The following MYOM1 variants were observed in gnomAD, a reference collection of about 807,000 sequenced individuals.
MYOM1 encodes myomesin 1, also known as myomesin-1.
In MYOM1, 164 loss-of-function variants were observed where a neutral mutation model predicts 205.3. That is an observed-to-expected ratio of 0.80 (90% CI 0.70 to 0.91). The LOEUF is 0.91. MYOM1 is among the 40% of genes least tolerant of loss of function. The pLI, the probability that MYOM1 is intolerant of heterozygous loss-of-function variation, is 0.00. For missense variants in MYOM1, 2,011 were observed against 2,127.3 expected (o/e 0.95, Z 1.08); for synonymous variants, 772 against 789.4 (o/e 0.98, Z 0.37).
chr18:3,133,304 A>G (rs7506674), intron 16 of MYOM1, among the ~76,000 whole-genome samples: 82,930 of 152,006 alleles, frequency 0.55, 23,215 homozygotes, highest in East Asian at 0.91. Context: ...CTGAGAAGTG[A>G]TCCAAGCCAG....
At chr18:3,123,032 G>A (rs1409552766) in intron 19 of MYOM1, among the ~76,000 whole-genome samples, 3 of 152,088 alleles carry the variant, frequency 2.0e-5, no homozygotes, top group Non-Finnish European at 2.9e-5. Flanking sequence ...GTGCTGTGTT[G>A]CCCAGGCTGG....
At chr18:3,071,094 G>T (rs1323142623) in intron 37 of MYOM1, among the ~76,000 whole-genome samples, 5 of 151,888 alleles carry the variant, frequency 3.3e-5, no homozygotes, top group East Asian at 3.9e-4. Context: ...CTGGAGTTCT[G>T]TCACAGGGGA....
the MYOM1 span, among the ~76,000 whole-genome samples, chr18:3,233,312 C>T: frequency 2.0e-5 from 3 of 152,198 alleles, no homozygotes; most frequent in African/African-American, 7.2e-5. Context: ...TTTTCTACTA[C>T]TTTTGTTCCA....
chr18:3,215,687 C>G (rs1315854632), intron 1 of MYOM1, among the ~76,000 whole-genome samples: 3 of 152,020 alleles, frequency 2.0e-5, no homozygotes, highest in Non-Finnish European at 4.4e-5. Context: ...ACTGGATATT[C>G]AAAAAACTCT....
At chr18:3,237,808 T>C in the MYOM1 span, among the ~76,000 whole-genome samples, 3 of 152,038 alleles carry the variant, frequency 2.0e-5, no homozygotes, top group Non-Finnish European at 2.9e-5. Context: ...AATGGGGAGT[T>C]ATTGTTTAAT....
intron 13 of MYOM1, among the ~76,000 whole-genome samples, chr18:3,148,796 A>T (rs753502825): frequency 1.2e-4 from 16 of 134,198 alleles, no homozygotes; most frequent in Non-Finnish European, 2.3e-4. Context: ...TAGTGAGCCG[A>T]GATCGCACCA....
intron 18 of MYOM1, 23 bp downstream of exon 18, chr18:3,129,209 A>G: frequency 6.2e-7 from 1 of 1,606,696 alleles, no homozygotes; most frequent in Non-Finnish European, 8.5e-7. Flanking sequence ...CGGATGGAAC[A>G]GCTTCCCTTT....
the MYOM1 span, chr18:3,246,160 C>A: frequency 6.6e-6 from 1 of 152,280 alleles, no homozygotes; most frequent in Non-Finnish European, 1.5e-5. Flanking sequence ...AAAGTGTCCT[C>A]TGGAGAGGAC....
At chr18:3,227,545 G>A in the MYOM1 span, among the ~76,000 whole-genome samples, 23 of 152,230 alleles carry the variant, frequency 1.5e-4, no homozygotes, top group African/African-American at 3.1e-4. Context: ...TGAGCCGGGC[G>A]CGGTGGCTCA....
At chr18:3,083,293 A>G (rs1329693389) in intron 33 of MYOM1, among the ~76,000 whole-genome samples, 2 of 152,174 alleles carry the variant, frequency 1.3e-5, no homozygotes, top group Non-Finnish European at 2.9e-5. Context: ...TCCTGGGCTC[A>G]CCAATGTCAG....
upstream of MYOM1, among the ~76,000 whole-genome samples, chr18:3,221,300 G>A (rs1255495386): frequency 2.6e-5 from 4 of 152,152 alleles, no homozygotes; most frequent in African/African-American, 7.2e-5. Context: ...AATTACAGGC[G>A]TGAGCCACTG....
Position 3,134,650 on chromosome 18 carries a change from C to A in MYOM1, c.2384G>T (p.Arg795Leu). 1 of 1,610,436 alleles carries A rather than the reference C, an allele frequency of 6.2e-7. No homozygotes were observed. Among genetic ancestry groups the A allele is most frequent in the South Asian group, 1.1e-5 (1 of 90,832 alleles). Residue 795 changes from arginine to leucine, a missense_variant and splice_region_variant, in exon 16 of 38, where the codon CGA becomes CTA. Coordinates refer to ENST00000356443, the MANE Select transcript of MYOM1 (RefSeq NM_003803.4). ...CGCCCTGCACACCCGACTGAGTTAC[C>A]GTGAGCCCTTCACGGGGTTGTTGTT... ...PCNNNPVKGS[R>L]FTCHGLVTGQ...
chr18:3,229,174 G>C, the MYOM1 span, among the ~76,000 whole-genome samples: 4 of 152,062 alleles, frequency 2.6e-5, no homozygotes, highest in Admixed American at 2.0e-4. Context: ...TTAGCCTCTC[G>C]GGCTCTTGTT....
the MYOM1 span, chr18:3,246,201 G>C: frequency 6.6e-6 from 1 of 152,214 alleles, no homozygotes; most frequent in Non-Finnish European, 1.5e-5. Flanking sequence ...CGTGGTGGCA[G>C]GCCACCACCC....
chr18:3,157,687 A>AATAATC (rs2080322167), intron 10 of MYOM1, among the ~76,000 whole-genome samples: 1 of 60,406 alleles, frequency 1.7e-5, no homozygotes, highest in Non-Finnish European at 4.1e-5. Flanking sequence ...CAAAAATAAT[A>AATAATC]ATAATAATAA....
At chr18:3,169,688 C>T (rs1179164392) in intron 8 of MYOM1, among the ~76,000 whole-genome samples, 1 of 152,132 alleles carries the variant, frequency 6.6e-6, no homozygotes, top group Admixed American at 6.5e-5. Flanking sequence ...AACCCTCTTA[C>T]GCTGTTGGTG....
intron 18 of MYOM1, among the ~76,000 whole-genome samples, chr18:3,127,305 A>ATATATTTTTTTTTTTTTT (rs56880961): frequency 2.1e-5 from 1 of 47,580 alleles, no homozygotes; most frequent in African/African-American, 9.2e-5. Context: ...ATATATATAT[A>ATATATTTTTTTTTTTTTT]TTTTTTTTTT....
At chr18:3,158,742 T>A (rs1254083124) in intron 10 of MYOM1, among the ~76,000 whole-genome samples, 1 of 152,132 alleles carries the variant, frequency 6.6e-6, no homozygotes, top group Non-Finnish European at 1.5e-5. Context: ...GCCTCCCAAG[T>A]AGCTAGGATT....
At chr18:3,218,048 G>A (rs146521346) in intron 1 of MYOM1, among the ~76,000 whole-genome samples, 276 of 152,252 alleles carry the variant, frequency 1.8e-3, no homozygotes, top group African/African-American at 6.5e-3. Context: ...TCGATTCCCA[G>A]GGTGACAGCT....
Sources: allele counts gnomAD v4.1 joint callset (sites outside exome capture counted in the v4.1 genomes callset), GRCh38; gene constraint gnomAD v4.1.1; transcripts MANE v1.5; gene names NCBI Gene and HGNC (gene_info 2026-07-23, HGNC 2026-07-21).